The following EYS variants were observed in gnomAD, a reference collection of about 807,000 sequenced individuals.
EYS encodes protein eyes shut homolog.
Under a neutral mutation model 282.1 loss-of-function variants are expected in EYS, and 250 were observed. That is an observed-to-expected ratio of 0.89 (90% CI 0.80 to 0.98). The LOEUF (loss-of-function observed/expected upper bound fraction) is 0.98, where lower values mean the gene tolerates loss of function less well. EYS is among the 50% of genes least tolerant of loss of function. The pLI, the probability that EYS is intolerant of heterozygous loss-of-function variation, is 0.00. For synonymous variants in EYS, 1,355 were observed against 1,282.9 expected (o/e 1.06, Z -1.20); for missense variants, 4,016 against 3,709.0 (o/e 1.08, Z -2.15).
At chr6:65,614,018 T>C (rs990534665) in intron 2 of EYS, among the ~76,000 whole-genome samples, 4 of 151,990 alleles carry the variant, frequency 2.6e-5, no homozygotes, top group Non-Finnish European at 4.4e-5. Context: ...CAACATGGTG[T>C]CCATGATTAG....
chr6:64,059,442 A>G (rs1351747789), intron 33 of EYS, among the ~76,000 whole-genome samples: 2 of 152,188 alleles, frequency 1.3e-5, no homozygotes, highest in Admixed American at 6.5e-5. Flanking sequence ...TTTAAACATC[A>G]AACTGGCTGG....
intron 2 of EYS, among the ~76,000 whole-genome samples, chr6:65,519,500 G>A (rs1767267446): frequency 6.7e-6 from 1 of 148,734 alleles, no homozygotes; most frequent in African/African-American, 2.5e-5. Context: ...ATAAATATAT[G>A]TATATTAATC....
chr6:64,957,604 T>C (rs1273886640), intron 14 of EYS, among the ~76,000 whole-genome samples: 1 of 152,220 alleles, frequency 6.6e-6, no homozygotes, highest in African/African-American at 2.4e-5. Flanking sequence ...TAATTTGTTG[T>C]GTAATTTGTA....
intron 14 of EYS, among the ~76,000 whole-genome samples, chr6:64,956,875 C>T (rs977980600): frequency 6.6e-6 from 1 of 152,018 alleles, no homozygotes; most frequent in Non-Finnish European, 1.5e-5. Context: ...GCACATCAAA[C>T]AATGAGAAAT....
chr6:64,340,991 A>G (rs951236268), intron 29 of EYS, among the ~76,000 whole-genome samples: 1 of 151,936 alleles, frequency 6.6e-6, no homozygotes, highest in African/African-American at 2.4e-5. Flanking sequence ...CATCAGAGAA[A>G]CGCAAATCCA....
chr6:64,236,514 G>A (rs1212178512), intron 30 of EYS, among the ~76,000 whole-genome samples: 1 of 152,090 alleles, frequency 6.6e-6, no homozygotes, highest in Admixed American at 6.6e-5. Flanking sequence ...TTTCCAAAGA[G>A]GCTTCACCGT....
intron 28 of EYS, among the ~76,000 whole-genome samples, chr6:64,393,244 C>A (rs1773223631): frequency 6.6e-6 from 1 of 152,080 alleles, no homozygotes; most frequent in Non-Finnish European, 1.5e-5. Context: ...CCATTCCAAT[C>A]AATAGAAAAA....
At chr6:65,068,317 T>C (rs1773807040) in intron 12 of EYS, among the ~76,000 whole-genome samples, 1 of 152,122 alleles carries the variant, frequency 6.6e-6, no homozygotes, top group Admixed American at 6.6e-5. Flanking sequence ...GATATTGCCC[T>C]CACTGTTCTC....
intron 2 of EYS, among the ~76,000 whole-genome samples, chr6:65,536,684 G>A (rs538508453): frequency 2.0e-5 from 3 of 152,080 alleles, no homozygotes; most frequent in South Asian, 4.1e-4. Flanking sequence ...AAGTAGTGAA[G>A]GCCAGAAATC....
chr6:64,384,416 GT>G (rs1772845500), intron 29 of EYS, among the ~76,000 whole-genome samples: 2 of 152,058 alleles, frequency 1.3e-5, no homozygotes, highest in South Asian at 4.1e-4. Context: ...TCACACATGT[GT>G]TTTCAATCCT....
At chr6:63,857,587 C>T (rs1218513895) in intron 36 of EYS, 2 of 344,412 alleles carry the variant, frequency 5.8e-6, no homozygotes, top group Non-Finnish European at 1.2e-5. Context: ...CTAGGGTGCT[C>T]CATGACCACC....
chr6:64,815,144 T>C (rs964252302), intron 21 of EYS: 3 of 388,764 alleles, frequency 7.7e-6, no homozygotes, highest in African/African-American at 2.1e-5. Flanking sequence ...AGTGATCTTG[T>C]ACACCCCCAC....
chr6:65,566,720 T>C (rs1769293232), intron 2 of EYS, among the ~76,000 whole-genome samples: 2 of 152,184 alleles, frequency 1.3e-5, no homozygotes, highest in South Asian at 4.1e-4. Flanking sequence ...CTTAACATGT[T>C]AGAGCCTAAA....
At chr6:63,864,997 T>C (rs1419396548) in intron 35 of EYS, among the ~76,000 whole-genome samples, 1 of 152,200 alleles carries the variant, frequency 6.6e-6, no homozygotes, top group African/African-American at 2.4e-5. Context: ...TATTTCTGCC[T>C]CTCTGCATCC....
At chr6:64,862,582 A>T (rs537816294) in intron 19 of EYS, among the ~76,000 whole-genome samples, 1 of 152,228 alleles carries the variant, frequency 6.6e-6, no homozygotes, top group Admixed American at 6.5e-5. Context: ...AGTTATTCTT[A>T]ACTTCCTATT....
chr6:64,688,097 T>G (rs1311963005), intron 22 of EYS, among the ~76,000 whole-genome samples: 1 of 152,162 alleles, frequency 6.6e-6, no homozygotes, highest in Non-Finnish European at 1.5e-5. Context: ...TTATTGTGTC[T>G]ATTTGATTCT....
chr6:65,335,146 T>C lies in EYS; in HGVS notation c.1600A>G (p.Ile534Val), dbSNP rs1339921068. Residue 534 changes from isoleucine (I) to valine (V), a missense_variant and splice_region_variant, in exon 11 of 43, where the codon ATT becomes GTT. Ile to Val is a conservative substitution (Grantham distance 29, BLOSUM62 3). Coordinates refer to ENST00000503581, the MANE Select transcript of EYS (RefSeq NM_001142800.2). Reference sequence around the variant, plus strand: ...AAACAACTGCATCCATTTGCACAAATCTATAGCAACGAAAGAAGTAAAAAT... The same window carrying C: ...AAACAACTGCATCCATTTGCACAAACCTATAGCAACGAAAGAAGTAAAAAT... ...CWFPHEGTKE[I>V]CANGCSCLSE... is the part of the protein sequence containing the mutation. 2 of 1,602,236 alleles carry C rather than the reference T, an allele frequency of 1.2e-6. No individual in the cohort carries two copies. The highest frequency in any genetic ancestry group is 2.7e-5 in the African/African-American group (2 of 74,542).
intron 2 of EYS, among the ~76,000 whole-genome samples, chr6:65,553,240 G>A (rs1193452286): frequency 1.3e-5 from 2 of 152,160 alleles, no homozygotes; most frequent in Non-Finnish European, 2.9e-5. Flanking sequence ...ATATTGTAAT[G>A]TGAAAAGGAT....
intron 41 of EYS, among the ~76,000 whole-genome samples, chr6:63,728,037 A>T (rs955412010): frequency 3.9e-5 from 6 of 151,992 alleles, no homozygotes; most frequent in African/African-American, 1.2e-4. Context: ...AAATCTGGTT[A>T]AAATTTTAAG....
Sources: gnomAD v4.1 joint callset for allele counts (sites outside exome capture counted in the v4.1 genomes callset) on GRCh38, gnomAD v4.1.1 for gene constraint, MANE v1.5 for transcripts, NCBI Gene and HGNC (gene_info 2026-07-23, HGNC 2026-07-21) for gene names.